C10orf143: variants seen among roughly 807,000 people sequenced by gnomAD.
C10orf143 encodes the protein chromosome 10 open reading frame 143, also known as uncharacterized protein C10orf143.
chr10:130,082,754 A>G (rs1861229973), intron 1 of C10orf143, among the ~76,000 whole-genome samples: 1 of 152,192 alleles, frequency 6.6e-6, no homozygotes, highest in Non-Finnish European at 1.5e-5. Context: ...TAATACAACC[A>G]CATACAAAAC....
At chr10:130,064,551 A>G (rs1401320946) in intron 3 of C10orf143, among the ~76,000 whole-genome samples, 168 bp from the exon 4 acceptor site, 2 of 152,090 alleles carry the variant, frequency 1.3e-5, no homozygotes, top group Admixed American at 6.5e-5. Flanking sequence ...AATATATATT[A>G]CATTATAATT....
intron 1 of C10orf143, among the ~76,000 whole-genome samples, chr10:130,096,812 G>A (rs1401959468): frequency 7.0e-6 from 1 of 143,544 alleles, no homozygotes; most frequent in African/African-American, 2.6e-5. Flanking sequence ...TAACAAACCT[G>A]TACATTCTGC....
downstream of C10orf143, among the ~76,000 whole-genome samples, chr10:130,062,314 G>A (rs1294217989): frequency 6.6e-6 from 1 of 152,160 alleles, no homozygotes; most frequent in East Asian, 1.9e-4. Context: ...TTGATCCTGG[G>A]TGTGTCTGTG....
At chr10:130,091,692 C>G (rs193016930) in intron 1 of C10orf143, among the ~76,000 whole-genome samples, 12 of 152,220 alleles carry the variant, frequency 7.9e-5, no homozygotes, top group Admixed American at 3.3e-4. Flanking sequence ...GAATTGCTAA[C>G]TAGAATAACC....
chr10:130,099,775 G>A (rs952852580), intron 1 of C10orf143, among the ~76,000 whole-genome samples: 7 of 150,892 alleles, frequency 4.6e-5, no homozygotes, highest in African/African-American at 9.7e-5. Context: ...TGATCCGTCC[G>A]CCTCAGCCTC....
intron 1 of C10orf143, among the ~76,000 whole-genome samples, chr10:130,100,918 G>T (rs1242679232): frequency 3.3e-5 from 5 of 152,066 alleles, no homozygotes; most frequent in Non-Finnish European, 1.5e-5. Flanking sequence ...AAAAAATGTT[G>T]AAAGCTATAA....
chr10:130,109,260 A>G (rs1394139593), intron 1 of C10orf143, among the ~76,000 whole-genome samples: 1 of 152,140 alleles, frequency 6.6e-6, no homozygotes, highest in Admixed American at 6.5e-5. Context: ...ACATCAGCAT[A>G]ATCATGTCAC....
intron 3 of C10orf143, among the ~76,000 whole-genome samples, chr10:130,076,703 TTTCA>T (rs1861123875): frequency 6.6e-6 from 1 of 152,138 alleles, no homozygotes; most frequent in African/African-American, 2.4e-5. Flanking sequence ...ACCCCTAAGG[TTTCA>T]TTTAATTGCT....
At chr10:130,077,348 C>G (rs1349575971) in intron 3 of C10orf143, among the ~76,000 whole-genome samples, 1 of 152,130 alleles carries the variant, frequency 6.6e-6, no homozygotes, top group Non-Finnish European at 1.5e-5. Context: ...GAATTCAGAG[C>G]AGAACAGATC....
chr10:130,054,128 A>T (rs954174180), intron 3 of C10orf143, among the ~76,000 whole-genome samples: 2 of 152,178 alleles, frequency 1.3e-5, no homozygotes, highest in Non-Finnish European at 2.9e-5. Flanking sequence ...TCGGGAACCC[A>T]TGCATCTGCC....
Position 130,088,154 on chromosome 10 carries a change from G to A in C10orf143, c.70-8253C>T, listed in dbSNP as rs55782085. ...TCCCAGCACTTTGGGAGGTCAAGGC[G>A]GGTGGATCACCTGAGATCAGGAGTT... On this transcript the variant is annotated intron_variant, in intron 1 of 3. Coordinates refer to ENST00000637128, the MANE Select transcript of C10orf143 (RefSeq NM_001355042.2). Among the ~76,000 whole-genome samples the A allele has an allele frequency of 7.9e-3, 1,198 of 152,316 alleles. 12 individuals carry two copies. Among genetic ancestry groups the A allele is most frequent in the Admixed American group, 0.018 (268 of 15,288 alleles).
chr10:130,086,879 T>A (rs188256357), intron 1 of C10orf143, among the ~76,000 whole-genome samples: 1 of 152,346 alleles, frequency 6.6e-6, no homozygotes, highest in East Asian at 1.9e-4. Context: ...TTCTGTGTGG[T>A]TGAATGGCCC....
At chr10:130,047,762 G>C (rs1414351724) in intron 3 of C10orf143, among the ~76,000 whole-genome samples, 3 of 152,040 alleles carry the variant, frequency 2.0e-5, no homozygotes, top group African/African-American at 7.2e-5. Flanking sequence ...GGTGGCCTTG[G>C]CCTCTAGTGC....
At chr10:130,063,614 T>C (rs1458125296), downstream of C10orf143, among the ~76,000 whole-genome samples, 5 of 152,166 alleles carry the variant, frequency 3.3e-5, no homozygotes, top group Admixed American at 2.0e-4. Flanking sequence ...TGATGACTTA[T>C]AGAGGGGGCT....
intron 1 of C10orf143, among the ~76,000 whole-genome samples, chr10:130,091,911 C>T (rs1387445048): frequency 1.3e-5 from 2 of 151,974 alleles, no homozygotes; most frequent in East Asian, 3.9e-4. Flanking sequence ...AAATATGGGA[C>T]CATGTGAAAA....
intron 1 of C10orf143, among the ~76,000 whole-genome samples, chr10:130,099,452 A>G (rs1861511939): frequency 6.6e-6 from 1 of 152,204 alleles, no homozygotes; most frequent in African/African-American, 2.4e-5. Context: ...ATGAGCTATA[A>G]AATCTGCAAC....
intron 4 of C10orf143, among the ~76,000 whole-genome samples, chr10:130,035,348 C>A (rs1860533580): frequency 1.3e-5 from 2 of 152,188 alleles, no homozygotes; most frequent in Admixed American, 6.5e-5. Context: ...GGACCCACCC[C>A]AAAGACCTCA....
chr10:130,057,873 A>C lies in C10orf143; in HGVS notation c.297+21693T>G, dbSNP rs1339069530. On this transcript the variant is annotated intron_variant and NMD_transcript_variant, in intron 3 of 5. Transcript: ENST00000643056. ...GTTGTTATTCTCATTTCAGATAAGG[A>C]AACTGAGTAAGTGGCAGAGGAGCCC... 2.6e-5 allele frequency among the ~76,000 whole-genome samples: 4 copies of C among 152,220 alleles called. No individual in the cohort carries two copies. In the South Asian group the frequency reaches 6.2e-4, roughly 24 times the overall value.
chr10:130,068,741 T>C (rs77446717), intron 3 of C10orf143: 1 of 98,544 alleles, frequency 1.0e-5, no homozygotes, highest in Admixed American at 1.2e-4. Flanking sequence ...TTCTACAGTT[T>C]AGAAGTATAA....
Sources: allele counts gnomAD v4.1 joint callset (sites outside exome capture counted in the v4.1 genomes callset), GRCh38; gene constraint gnomAD v4.1.1; transcripts MANE v1.5; gene names NCBI Gene and HGNC (gene_info 2026-07-23, HGNC 2026-07-21).